Variants in PBX1 observed in about 807,000 individuals in gnomAD.
PBX1 encodes PBX homeobox 1.
PBX1 carries 6 observed loss-of-function variants against 53.4 expected under a neutral mutation model. That is an observed-to-expected ratio of 0.11 (90% CI 0.06 to 0.22). The LOEUF is 0.22. Among genes scored for constraint, PBX1 ranks in the 10% least tolerant of loss-of-function variants. The probability of loss-of-function intolerance (pLI) is 1.00; values close to 1 mark genes in which losing one functional copy is unlikely to be tolerated. For missense variants in PBX1, 251 were observed against 551.4 expected (o/e 0.46, Z 5.46); for synonymous variants, 204 against 212.3 (o/e 0.96, Z 0.34).
chr1:164,602,478 A>G (rs1656241902), intron 2 of PBX1, among the ~76,000 whole-genome samples: 1 of 152,162 alleles, frequency 6.6e-6, no homozygotes, highest in East Asian at 1.9e-4. Context: ...TTGCTTGAAC[A>G]AGGGTTTAGC....
At chr1:164,632,373 G>A (rs955205890) in intron 2 of PBX1, among the ~76,000 whole-genome samples, 8 of 152,164 alleles carry the variant, frequency 5.3e-5, no homozygotes, top group African/African-American at 7.2e-5. Flanking sequence ...AATTAAAGTC[G>A]CAGATATTTT....
intron 3 of PBX1, among the ~76,000 whole-genome samples, chr1:164,796,410 G>C (rs190453090): frequency 6.6e-6 from 1 of 152,152 alleles, no homozygotes; most frequent in Non-Finnish European, 1.5e-5. Flanking sequence ...TTATCTTGTG[G>C]CTTTGTAGGA....
chr1:164,655,535 C>T (rs1271205021), intron 2 of PBX1, among the ~76,000 whole-genome samples: 4 of 152,146 alleles, frequency 2.6e-5, no homozygotes, highest in African/African-American at 9.7e-5. Context: ...CTGTTGGGAC[C>T]ACTCTTAATC....
chr1:164,787,964 AG>A (rs1176273052), intron 2 of PBX1, among the ~76,000 whole-genome samples: 13 of 152,140 alleles, frequency 8.5e-5, no homozygotes, highest in African/African-American at 3.1e-4. Context: ...TTTTTCGGGT[AG>A]TGGACGCGTC....
At chr1:164,566,066 A>T (rs1388963809) in intron 2 of PBX1, among the ~76,000 whole-genome samples, 1 of 152,126 alleles carries the variant, frequency 6.6e-6, no homozygotes, top group Admixed American at 6.5e-5. Flanking sequence ...GCTTTTTTGC[A>T]TTTGTTAATG....
chr1:164,701,459 C>T (rs967321084), intron 2 of PBX1, among the ~76,000 whole-genome samples: 2 of 152,164 alleles, frequency 1.3e-5, no homozygotes, highest in African/African-American at 4.8e-5. Flanking sequence ...CAAGAATACC[C>T]CTGCGGGTGT....
chr1:164,802,447 C>T (rs1558016984), intron 4 of PBX1, among the ~76,000 whole-genome samples: 2 of 152,162 alleles, frequency 1.3e-5, no homozygotes, highest in Non-Finnish European at 2.9e-5. Context: ...CTAGAGGCTC[C>T]CTTTCTCAAT....
At chr1:164,595,616 C>G (rs1383416118) in intron 2 of PBX1, among the ~76,000 whole-genome samples, 1 of 151,880 alleles carries the variant, frequency 6.6e-6, no homozygotes, top group African/African-American at 2.4e-5. Context: ...AGGTGATTGC[C>G]AAACTGATAT....
chr1:164,867,827 G>A (rs1047560067), intron 2 of PBX1, among the ~76,000 whole-genome samples: 10 of 152,200 alleles, frequency 6.6e-5, no homozygotes, highest in Admixed American at 2.0e-4. Flanking sequence ...CAATATCAGC[G>A]CGGCCCAGCC....
intron 2 of PBX1, among the ~76,000 whole-genome samples, chr1:164,863,625 T>C (rs543778951): frequency 1.6e-4 from 24 of 152,216 alleles, no homozygotes; most frequent in South Asian, 1.0e-3. Context: ...GGGTCAACAA[T>C]GTCTTCTTGA....
At chr1:164,741,176 C>T (rs867917103) in intron 2 of PBX1, among the ~76,000 whole-genome samples, 1 of 152,112 alleles carries the variant, frequency 6.6e-6, no homozygotes, top group African/African-American at 2.4e-5. Flanking sequence ...GGATATAACT[C>T]GAGGATATAA....
At chr1:164,884,033 C>G (rs1672722254) in intron 2 of PBX1, among the ~76,000 whole-genome samples, 3 of 152,120 alleles carry the variant, frequency 2.0e-5, no homozygotes, top group African/African-American at 7.2e-5. Flanking sequence ...TACGAGCATG[C>G]AGATTTAAGT....
At chr1:164,837,292 G>T (rs1263076643) in intron 8 of PBX1, among the ~76,000 whole-genome samples, 1 of 152,156 alleles carries the variant, frequency 6.6e-6, no homozygotes, top group Non-Finnish European at 1.5e-5. Flanking sequence ...CGAATTCAGG[G>T]CTGTATAGGT....
intron 2 of PBX1, among the ~76,000 whole-genome samples, chr1:164,586,094 TGAAA>T (rs1654935528): frequency 6.6e-6 from 1 of 152,180 alleles, no homozygotes; most frequent in Admixed American, 6.5e-5. Context: ...ACACACATGT[TGAAA>T]GAACTGTAAA....
chr1:164,605,025 C>T (rs114639438), intron 2 of PBX1, among the ~76,000 whole-genome samples: 1 of 152,050 alleles, frequency 6.6e-6, no homozygotes, highest in African/African-American at 2.4e-5. Flanking sequence ...CATCATAGAC[C>T]CTAATCTCAA....
At position 164,812,161 on chromosome 1, in the gene PBX1, C is replaced by A. The variant is rs562645034; in HGVS notation, c.997+12C>A. ...TCCCAACTCGGCTGGTTAGTTTTTTCTTTGATTGGGGGTGGGGGAAGGAAT... is the reference window on the plus strand; with the variant it reads ...TCCCAACTCGGCTGGTTAGTTTTTTATTTGATTGGGGGTGGGGGAAGGAAT... On this transcript the variant is annotated intron_variant, in intron 6 of 8. Transcript: ENST00000420696. The A allele has an allele frequency of 2.7e-5, 44 of 1,603,490 alleles. No individual in the cohort carries two copies. Among genetic ancestry groups the A allele is most frequent in the Non-Finnish European group, 3.5e-5 (41 of 1,174,232 alleles).
intron 2 of PBX1, among the ~76,000 whole-genome samples, chr1:164,881,996 A>T (rs1291518713): frequency 6.6e-6 from 1 of 152,146 alleles, no homozygotes; most frequent in African/African-American, 2.4e-5. Flanking sequence ...CCCAAAACTA[A>T]TTATCCAGGT....
At chr1:164,753,168 T>G (rs1666323576) in intron 2 of PBX1, among the ~76,000 whole-genome samples, 1 of 152,236 alleles carries the variant, frequency 6.6e-6, no homozygotes, top group South Asian at 2.1e-4. Flanking sequence ...TCAAAAGTTC[T>G]TAATGGAAAG....
intron 2 of PBX1, among the ~76,000 whole-genome samples, chr1:164,870,322 T>TTTC (rs1558053751): frequency 1.8e-5 from 2 of 109,798 alleles, no homozygotes; most frequent in Non-Finnish European, 1.9e-5. Flanking sequence ...TCTTTCTTTC[T>TTTC]TTCTTTCTTT....
Sources: allele counts gnomAD v4.1 joint callset (sites outside exome capture counted in the v4.1 genomes callset), GRCh38; gene constraint gnomAD v4.1.1; transcripts MANE v1.5; gene names NCBI Gene and HGNC (gene_info 2026-07-23, HGNC 2026-07-21).